The following MAGI1 variants were observed in gnomAD, a reference collection of about 807,000 sequenced individuals.
The protein encoded by MAGI1 is membrane-associated guanylate kinase, WW and PDZ domain-containing protein 1.
Under a neutral mutation model 139.9 loss-of-function variants are expected in MAGI1, and 58 were observed. The observed-to-expected ratio is 0.41, with a 90% CI of 0.34 to 0.52. The LOEUF is 0.52. Ranked by LOEUF, MAGI1 falls within the 20% of genes least tolerant of loss-of-function variation. The probability of loss-of-function intolerance (pLI) is 0.12; values close to 1 mark genes in which losing one functional copy is unlikely to be tolerated. For missense variants in MAGI1, 1,874 were observed against 1,901.6 expected, an observed-to-expected ratio of 0.99 and a Z score of 0.27; for synonymous variants, 812 against 737.9, an observed-to-expected ratio of 1.10 and a Z score of -1.63.
At chr3:65,920,967 T>G (rs1286433442) in intron 1 of MAGI1, among the ~76,000 whole-genome samples, 2 of 151,346 alleles carry the variant, frequency 1.3e-5, no homozygotes, top group African/African-American at 2.4e-5. Flanking sequence ...AAGCAGAGGT[T>G]GCAGAGAGCC....
In MAGI1 at chr3:65,356,289, T is replaced by C; in HGVS notation, c.*89A>G. ...ATAGGATCATCAGGTGTCAGATGCT[T>C]CATTAGGTAAGAAACTAAATAATTT... is the stretch of plus-strand genomic sequence containing the variant. On this transcript the variant is annotated 3_prime_UTR_variant, in exon 23 of 23. Coordinates refer to ENST00000402939, the MANE Select transcript of MAGI1 (RefSeq NM_001033057.2). 1.5e-6 allele frequency: 2 copies of C among 1,341,166 alleles called. No homozygotes were observed. The highest frequency in any genetic ancestry group is 1.5e-5 in the South Asian group (1 of 65,360). The allele number at this position is 1,341,166 out of a possible 1,614,324, so 83.1% of individuals were successfully genotyped here.
At chr3:65,435,244 A>G (rs1947751040) in intron 10 of MAGI1, among the ~76,000 whole-genome samples, 1 of 152,180 alleles carries the variant, frequency 6.6e-6, no homozygotes, top group South Asian at 2.1e-4. Flanking sequence ...AGGAAGAGAT[A>G]TAAGGAAATA....
intron 1 of MAGI1, among the ~76,000 whole-genome samples, chr3:65,939,557 T>C (rs2063214472): frequency 1.3e-5 from 2 of 152,096 alleles, no homozygotes; most frequent in Non-Finnish European, 2.9e-5. Flanking sequence ...TCAGAAAAAA[T>C]ATTTCAATGG....
intron 2 of MAGI1, among the ~76,000 whole-genome samples, chr3:65,530,649 G>A (rs1242625584): frequency 2.3e-5 from 3 of 129,570 alleles, no homozygotes; most frequent in Admixed American, 7.8e-5. Flanking sequence ...GTGTGTGTGT[G>A]TGTGTGTGTG....
At chr3:65,382,409 T>C (rs1943121583) in intron 15 of MAGI1, among the ~76,000 whole-genome samples, 1 of 152,202 alleles carries the variant, frequency 6.6e-6, no homozygotes, top group Non-Finnish European at 1.5e-5. Flanking sequence ...CATAAAACTC[T>C]GCTAATTAAA....
chr3:65,477,854 T>G (rs1334827971), intron 4 of MAGI1, among the ~76,000 whole-genome samples: 1 of 151,278 alleles, frequency 6.6e-6, no homozygotes, highest in Non-Finnish European at 1.5e-5. Flanking sequence ...CCCCCTGGAG[T>G]TGTGCAGTAC....
chr3:65,984,918 T>C (rs1439985016), intron 1 of MAGI1, among the ~76,000 whole-genome samples: 1 of 152,134 alleles, frequency 6.6e-6, no homozygotes, highest in Non-Finnish European at 1.5e-5. Flanking sequence ...CTTTTCTTTG[T>C]AGATGAAGCA....
chr3:65,756,946 A>C (rs1441367043), intron 1 of MAGI1, among the ~76,000 whole-genome samples: 1 of 152,226 alleles, frequency 6.6e-6, no homozygotes, highest in Non-Finnish European at 1.5e-5. Context: ...CCAAATTTGA[A>C]AGTATTTTAG....
chr3:66,038,047 C>G lies in MAGI1; in HGVS notation c.262G>C (p.Gly88Arg). ...VSGLPRYDVLGVIDSCKEAVT... is the reference protein window; with the variant it reads ...VSGLPRYDVLRVIDSCKEAVT... Reference sequence around the variant, plus strand: ...GCCTCCTTGCAGCTGTCGATGACCCCCAGCACGTCATAGCGGGGCAAGCCG... The same window carrying G: ...GCCTCCTTGCAGCTGTCGATGACCCGCAGCACGTCATAGCGGGGCAAGCCG... The change falls in exon 1 of 23, where the codon GGG becomes CGG. Residue 88 changes from glycine to arginine, a missense_variant. Gly to Arg is a moderately radical substitution (Grantham distance 125). Around this residue, in one of 5 missense-constraint regions of MAGI1, gnomAD observed 648 missense variants for 598.1 expected, o/e 1.08. Coordinates refer to ENST00000402939, the MANE Select transcript of MAGI1 (RefSeq NM_001033057.2). 1 of 1,611,040 alleles carries G rather than the reference C, an allele frequency of 6.2e-7. No homozygotes were observed. The highest frequency in any genetic ancestry group is 2.2e-5 in the East Asian group (1 of 44,794).
chr3:65,552,106 C>T (rs1309154778), intron 2 of MAGI1, among the ~76,000 whole-genome samples: 1 of 152,130 alleles, frequency 6.6e-6, no homozygotes, highest in Non-Finnish European at 1.5e-5. Flanking sequence ...GTCTGTAGTA[C>T]ACGGCATTCC....
At chr3:65,948,395 T>C (rs902975084) in intron 1 of MAGI1, among the ~76,000 whole-genome samples, 3 of 152,238 alleles carry the variant, frequency 2.0e-5, no homozygotes, top group African/African-American at 4.8e-5. Context: ...TCTTCATTAA[T>C]GAAAGTTCTC....
chr3:65,408,246 G>C (rs1945510775), intron 12 of MAGI1, among the ~76,000 whole-genome samples: 1 of 152,158 alleles, frequency 6.6e-6, no homozygotes, highest in South Asian at 2.1e-4. Context: ...CATATAAGTA[G>C]AGGGGCCAAT....
rs545538690 is a variant in MAGI1, at chr3:65,697,059, AG to A, written c.314-74972del. Among the ~76,000 whole-genome samples the A allele has an allele frequency of 5.3e-5, 8 of 152,380 alleles. No homozygotes were observed. In the South Asian group the frequency reaches 8.3e-4, roughly 16 times the overall value. On this transcript the variant is annotated intron_variant, in intron 1 of 22. Transcript: ENST00000402939. ...AAGGGGATATCACCACCAATCCCACAGAAATACAAACTACCATCAGAGAATA... is the reference window on the plus strand; with the variant it reads ...AAGGGGATATCACCACCAATCCCACAAAATACAAACTACCATCAGAGAATA...
chr3:65,550,976 G>C (rs896467292), intron 2 of MAGI1, among the ~76,000 whole-genome samples: 1 of 151,936 alleles, frequency 6.6e-6, no homozygotes, highest in Admixed American at 6.6e-5. Flanking sequence ...AAAAAGAAAC[G>C]GAATTCCCAG....
intron 1 of MAGI1, among the ~76,000 whole-genome samples, chr3:65,981,990 T>A (rs576703480): frequency 1.4e-3 from 216 of 152,344 alleles, no homozygotes; most frequent in African/African-American, 5.0e-3. Flanking sequence ...ATCATTTGTA[T>A]CAGGTCTCGT....
intron 1 of MAGI1, among the ~76,000 whole-genome samples, chr3:65,936,591 A>G (rs976997518): frequency 2.1e-5 from 3 of 140,200 alleles, no homozygotes; most frequent in African/African-American, 8.3e-5. Flanking sequence ...ACTCCCTCTC[A>G]AAAAAAAAAA....
At chr3:65,827,179 AGC>A (rs1263789264) in intron 1 of MAGI1, among the ~76,000 whole-genome samples, 4 of 152,204 alleles carry the variant, frequency 2.6e-5, no homozygotes, top group Non-Finnish European at 4.4e-5. Context: ...CTATCTGGGT[AGC>A]TCTCCTTTTT....
At chr3:65,371,376 T>G (rs1292076339) in intron 18 of MAGI1, among the ~76,000 whole-genome samples, 1 of 152,248 alleles carries the variant, frequency 6.6e-6, no homozygotes, top group Non-Finnish European at 1.5e-5. Context: ...AAGTGTGCAA[T>G]GGCATTATGT....
At chr3:65,840,519 C>A (rs1378821969) in intron 1 of MAGI1, among the ~76,000 whole-genome samples, 1 of 152,138 alleles carries the variant, frequency 6.6e-6, no homozygotes, top group Non-Finnish European at 1.5e-5. Context: ...TTGATATAAT[C>A]ATGTGATTTT....
Sources: allele counts gnomAD v4.1 joint callset (sites outside exome capture counted in the v4.1 genomes callset), GRCh38; gene constraint gnomAD v4.1.1; regional missense constraint gnomAD v4.1.1; transcripts MANE v1.5; gene names NCBI Gene and HGNC (gene_info 2026-07-23, HGNC 2026-07-21).